The following SLC22A25 variants were observed in gnomAD, a reference collection of about 807,000 sequenced individuals.
SLC22A25 encodes MGI:2442751, MGI:2385316, MGI:3042283, MGI:3645714, MGI:3605624, MGI:2442750.
A neutral mutation model predicts 45.9 loss-of-function variants in SLC22A25; 44 were observed. That is an observed-to-expected ratio of 0.96 (90% confidence interval 0.75 to 1.23). SLC22A25 has a LOEUF of 1.23. Ranked by LOEUF, SLC22A25 falls within the 50% of genes most tolerant of loss-of-function variation. The pLI is 0.00. For synonymous variants in SLC22A25, 283 were observed against 238.6 expected (o/e 1.19, Z -1.72); for missense variants, 800 against 666.4 (o/e 1.20, Z -2.21).
intron 3 of SLC22A25, among the ~76,000 whole-genome samples, chr11:63,230,431 G>T (rs182619976): frequency 5.9e-4 from 90 of 152,190 alleles, no homozygotes; most frequent in Non-Finnish European, 8.1e-4. Context: ...TGTACAACCA[G>T]GTTCAAAAAT....
chr11:63,241,950 T>C (rs1408160733), intron 1 of SLC22A25, among the ~76,000 whole-genome samples: 1 of 152,220 alleles, frequency 6.6e-6, no homozygotes, highest in Non-Finnish European at 1.5e-5. Context: ...ATTCAAACTC[T>C]GTCAAACAGA....
At chr11:63,178,743 T>G (rs1425921261) in intron 9 of SLC22A25, among the ~76,000 whole-genome samples, 2 of 152,122 alleles carry the variant, frequency 1.3e-5, no homozygotes, top group Non-Finnish European at 2.9e-5. Context: ...TGCAATTTTT[T>G]TTCTATTCTG....
chr11:63,163,936 A>G lies in SLC22A25; in HGVS notation c.1532T>C (p.Val511Ala). The G allele has an allele frequency of 6.2e-7, 1 of 1,613,944 alleles. No individual in the cohort carries two copies. Among genetic ancestry groups the G allele is most frequent in the Non-Finnish European group, 8.5e-7 (1 of 1,179,924 alleles). Residue 511 changes from valine (V) to alanine (A), a missense_variant, in exon 12 of 12, where the codon GTT becomes GCT. Val to Ala is a moderately conservative substitution (Grantham distance 64, BLOSUM62 0). Transcript: ENST00000306494. ...YGVFAILSGL[V>A]VLLLPETRNQ... ...CCTGGTTTCAGGAAGGAGGAGGACA[A>G]CAAGGCCAGAGAGGATGGCAAAGAC...
chr11:63,187,756 A>C (rs1309104232), intron 7 of SLC22A25, among the ~76,000 whole-genome samples: 1 of 152,040 alleles, frequency 6.6e-6, no homozygotes, highest in Admixed American at 6.6e-5. Flanking sequence ...TAGGATGAAG[A>C]ATTGTTGAAT....
intron 7 of SLC22A25, among the ~76,000 whole-genome samples, chr11:63,215,077 A>T (rs1292880318): frequency 6.6e-6 from 1 of 152,210 alleles, no homozygotes; most frequent in African/African-American, 2.4e-5. Context: ...CAATCCCATT[A>T]TTGGGTATAT....
intron 9 of SLC22A25, among the ~76,000 whole-genome samples, chr11:63,175,450 A>C (rs898824986): frequency 6.6e-6 from 1 of 151,988 alleles, no homozygotes; most frequent in Non-Finnish European, 1.5e-5. Context: ...TTGTGATTGG[A>C]CTACTTGCAT....
intron 3 of SLC22A25, among the ~76,000 whole-genome samples, chr11:63,237,396 G>T (rs911779872): frequency 6.6e-6 from 1 of 152,106 alleles, no homozygotes; most frequent in Non-Finnish European, 1.5e-5. Flanking sequence ...TTGCAGGAGG[G>T]GATCCTGATG....
At chr11:63,189,055 A>T (rs1320220706) in intron 7 of SLC22A25, among the ~76,000 whole-genome samples, 1 of 152,174 alleles carries the variant, frequency 6.6e-6, no homozygotes, top group Non-Finnish European at 1.5e-5. Flanking sequence ...GTAGATGTCT[A>T]TTAGGTCCAC....
chr11:63,205,680 A>G (rs1390349413), intron 7 of SLC22A25, among the ~76,000 whole-genome samples: 1 of 152,182 alleles, frequency 6.6e-6, no homozygotes, highest in Non-Finnish European at 1.5e-5. Flanking sequence ...CCAACCAACC[A>G]AAGGCCAGGA....
intron 1 of SLC22A25, among the ~76,000 whole-genome samples, chr11:63,241,796 C>T (rs565352461): frequency 6.6e-6 from 1 of 152,186 alleles, no homozygotes; most frequent in Non-Finnish European, 1.5e-5. Context: ...AGGGTATGCA[C>T]TGAGGTGAGG....
chr11:63,193,931 A>G (rs1414495134), intron 7 of SLC22A25, among the ~76,000 whole-genome samples: 1 of 152,194 alleles, frequency 6.6e-6, no homozygotes, highest in Non-Finnish European at 1.5e-5. Flanking sequence ...GATTCGACAA[A>G]TGGCTAACTA....
chr11:63,179,392 C>G (rs2088237358), intron 9 of SLC22A25, among the ~76,000 whole-genome samples: 1 of 152,128 alleles, frequency 6.6e-6, no homozygotes, highest in African/African-American at 2.4e-5. Context: ...CCACCTCTTC[C>G]TGTCTTCCCA....
intron 9 of SLC22A25, among the ~76,000 whole-genome samples, chr11:63,178,211 T>A (rs1303191091): frequency 6.6e-6 from 1 of 152,020 alleles, no homozygotes; most frequent in African/African-American, 2.4e-5. Flanking sequence ...ATTTTCTTTA[T>A]ACAGCCATTG....
chr11:63,228,352 C>T (rs1221297080), intron 5 of SLC22A25, 109 bp downstream of exon 5: 2 of 809,736 alleles, frequency 2.5e-6, no homozygotes, highest in East Asian at 5.2e-5. Flanking sequence ...TCCCTGGGGA[C>T]CAAGGGAGCA....
intron 3 of SLC22A25, among the ~76,000 whole-genome samples, chr11:63,234,154 C>G (rs543735885): frequency 6.6e-6 from 1 of 152,050 alleles, no homozygotes; most frequent in Non-Finnish European, 1.5e-5. Context: ...CTATTAGGTC[C>G]GCTTGGTGCA....
rs116636946 is a variant in SLC22A25 at position 63,174,423 on chromosome 11, C to G, written c.1070+6237G>C. On this transcript the variant is annotated intron_variant, in intron 9 of 11. Transcript: ENST00000306494. ...AAGAACCACAATGGCATATGCCAGT[C>G]TAAGCTATTTTCCTGTGTGACTACC... Among the ~76,000 whole-genome samples, 304 of 152,264 alleles carry G rather than the reference C, an allele frequency of 2.0e-3. 1 individual carries two copies. The highest frequency in any genetic ancestry group is 6.6e-3 in the African/African-American group (274 of 41,580).
At chr11:63,189,297 T>A (rs894479590) in intron 7 of SLC22A25, among the ~76,000 whole-genome samples, 16 of 152,220 alleles carry the variant, frequency 1.1e-4, no homozygotes, top group African/African-American at 3.9e-4. Flanking sequence ...TACCATTATG[T>A]AATGGCCTTC....
At chr11:63,216,607 G>A (rs1341914443) in intron 7 of SLC22A25, among the ~76,000 whole-genome samples, 1 of 152,118 alleles carries the variant, frequency 6.6e-6, no homozygotes, top group Non-Finnish European at 1.5e-5. Flanking sequence ...ATTATACTTA[G>A]CAAACTAAAT....
At chr11:63,169,691 G>T (rs2087810360) in intron 9 of SLC22A25, among the ~76,000 whole-genome samples, 1 of 152,046 alleles carries the variant, frequency 6.6e-6, no homozygotes, top group Non-Finnish European at 1.5e-5. Flanking sequence ...CTACAAAGAG[G>T]CTTAGATTCC....
Sources: gnomAD v4.1 joint callset for allele counts (sites outside exome capture counted in the v4.1 genomes callset) on GRCh38, gnomAD v4.1.1 for gene constraint, MANE v1.5 for transcripts, NCBI Gene and HGNC (gene_info 2026-07-23, HGNC 2026-07-21) for gene names.